The following OSBPL8 variants were observed in gnomAD, a reference collection of about 807,000 sequenced individuals.
OSBPL8 encodes oxysterol binding protein like 8, also known as oxysterol-binding protein-related protein 8.
Under a neutral mutation model 125.5 loss-of-function variants are expected in OSBPL8, and 59 were observed. The observed-to-expected ratio is 0.47, with a 90% CI of 0.38 to 0.58. The LOEUF is 0.58. OSBPL8 is among the 20% of genes least tolerant of loss of function. The probability of loss-of-function intolerance (pLI) is 0.00; values close to 1 mark genes in which losing one functional copy is unlikely to be tolerated. For missense variants in OSBPL8, 758 were observed against 1,047.8 expected, an observed-to-expected ratio of 0.72 and a Z score of 3.82; for synonymous variants, 330 against 338.9, an observed-to-expected ratio of 0.97 and a Z score of 0.29.
intron 4 of OSBPL8, among the ~76,000 whole-genome samples, chr12:76,432,473 T>C (rs982050952): frequency 2.0e-5 from 3 of 152,104 alleles, no homozygotes; most frequent in Non-Finnish European, 4.4e-5. Flanking sequence ...CTCAGCTACC[T>C]GGGACGTTGA....
At chr12:76,444,931 C>T (rs1340686113) in intron 4 of OSBPL8, among the ~76,000 whole-genome samples, 1 of 152,070 alleles carries the variant, frequency 6.6e-6, no homozygotes, top group Non-Finnish European at 1.5e-5. Context: ...TAGTTAAAAG[C>T]TTTAATAATA....
Position 76,407,654 on chromosome 12 carries a change from T to C in OSBPL8, c.288+2910A>G, listed in dbSNP as rs74581921. 2.9e-3 allele frequency among the ~76,000 whole-genome samples: 443 copies of C among 152,352 alleles called. 2 individuals are homozygous for C. Among genetic ancestry groups the C allele is most frequent in the African/African-American group, 0.01 (426 of 41,572 alleles). ...TGAGAAAATCAGTAAGTTTCAGCTC[T>C]TGGAAAATAATATGATGAGTATAAT... On this transcript the variant is annotated intron_variant, in intron 5 of 23. Coordinates refer to ENST00000261183, the MANE Select transcript of OSBPL8 (RefSeq NM_020841.5).
At chr12:76,369,534 G>T in intron 20 of OSBPL8, 103 bp downstream of exon 20, 1 of 1,365,890 alleles carries the variant, frequency 7.3e-7, no homozygotes. Flanking sequence ...TAATATACAT[G>T]GTTTAATTAA....
intron 2 of OSBPL8, among the ~76,000 whole-genome samples, chr12:76,469,334 G>A (rs1875837637): frequency 6.6e-6 from 1 of 152,034 alleles, no homozygotes; most frequent in African/African-American, 2.4e-5. Context: ...CCTTGATAAG[G>A]GATTTCCTGA....
intron 2 of OSBPL8, among the ~76,000 whole-genome samples, chr12:76,474,737 C>T (rs941567007): frequency 2.0e-5 from 3 of 152,200 alleles, no homozygotes; most frequent in African/African-American, 7.2e-5. Flanking sequence ...CCTGCCTCAG[C>T]CTCCCAAAGT....
intron 4 of OSBPL8, among the ~76,000 whole-genome samples, chr12:76,433,093 C>T (rs1478998416): frequency 6.6e-6 from 1 of 152,072 alleles, no homozygotes; most frequent in African/African-American, 2.4e-5. Context: ...CAATAAAGAC[C>T]ACATATGAAA....
chr12:76,546,579 A>G (rs1037845640), intron 1 of OSBPL8, among the ~76,000 whole-genome samples: 2 of 152,176 alleles, frequency 1.3e-5, no homozygotes, highest in Admixed American at 1.3e-4. Flanking sequence ...ATGTTTGAAG[A>G]TTCTATTTAA....
At chr12:76,403,772 A>G (rs920010905) in intron 5 of OSBPL8, among the ~76,000 whole-genome samples, 1 of 152,210 alleles carries the variant, frequency 6.6e-6, no homozygotes, top group Admixed American at 6.5e-5. Context: ...AGATGTGCAT[A>G]ATACCACTAG....
intron 1 of OSBPL8, among the ~76,000 whole-genome samples, chr12:76,493,304 C>G (rs912991708): frequency 6.6e-6 from 1 of 152,190 alleles, no homozygotes; most frequent in African/African-American, 2.4e-5. Flanking sequence ...TCCTCAATGA[C>G]AGCGTTTTAC....
chr12:76,514,289 TG>T (rs147049943), intron 1 of OSBPL8, among the ~76,000 whole-genome samples: 6,252 of 151,236 alleles, frequency 0.041, 456 homozygotes, highest in African/African-American at 0.14. Flanking sequence ...GGGCTACAGC[TG>T]CCTGCCACCA....
chr12:76,532,274 T>C (rs1950362902), intron 1 of OSBPL8, among the ~76,000 whole-genome samples: 1 of 152,018 alleles, frequency 6.6e-6, no homozygotes, highest in South Asian at 2.1e-4. Flanking sequence ...TTAATATATT[T>C]AAGAAAATAC....
At chr12:76,425,863 T>C (rs1870088390) in intron 4 of OSBPL8, among the ~76,000 whole-genome samples, 1 of 152,190 alleles carries the variant, frequency 6.6e-6, no homozygotes, top group Non-Finnish European at 1.5e-5. Context: ...ATCTTGTGTT[T>C]CCCAAGACCC....
intron 1 of OSBPL8, among the ~76,000 whole-genome samples, chr12:76,503,408 C>T (rs1880098679): frequency 6.6e-6 from 1 of 152,188 alleles, no homozygotes; most frequent in Non-Finnish European, 1.5e-5. Flanking sequence ...TCGGGTCCAC[C>T]CTAGTGACCT....
intron 2 of OSBPL8, among the ~76,000 whole-genome samples, chr12:76,466,792 C>G (rs1439078144): frequency 6.6e-6 from 1 of 151,958 alleles, no homozygotes; most frequent in East Asian, 1.9e-4. Flanking sequence ...AACGTCGTAT[C>G]TACTAAAAAT....
chr12:76,531,620 T>G (rs28485036), intron 1 of OSBPL8, among the ~76,000 whole-genome samples: 75,717 of 151,934 alleles, frequency 0.5, 20,320 homozygotes, highest in African/African-American at 0.68. Context: ...ATGTGTGGGT[T>G]GGGGGAGAGA....
chr12:76,358,391 A>T (rs1033648528), intron 22 of OSBPL8, among the ~76,000 whole-genome samples: 1 of 152,024 alleles, frequency 6.6e-6, no homozygotes, highest in Non-Finnish European at 1.5e-5. Flanking sequence ...CATGTTAGCC[A>T]GGCTGGTCTT....
intron 5 of OSBPL8, 101 bp from the exon 6 acceptor site, chr12:76,402,867 CTA>C (rs1954108956): frequency 1.3e-6 from 1 of 776,768 alleles, no homozygotes; most frequent in African/African-American, 1.8e-5. Flanking sequence ...TCATTTATTG[CTA>C]TGATTTAAGC....
rs192908559 is a variant in OSBPL8 at position 76,551,480 on chromosome 12, T to G, written c.-68+7917A>C. ...ACAAAGAATTATCCAGCCCAAAATA[T>G]CAACAGAGTCAAGTTAAGAAACCCT... On this transcript the variant is annotated intron_variant, in intron 1 of 23. Coordinates refer to ENST00000261183, the MANE Select transcript of OSBPL8 (RefSeq NM_020841.5). Among the ~76,000 whole-genome samples the G allele has an allele frequency of 2.0e-3, 309 of 152,278 alleles. 1 individual carries two copies. Among genetic ancestry groups the G allele is most frequent in the Admixed American group, 5.4e-3 (82 of 15,302 alleles).
At chr12:76,530,710 C>A (rs769068295) in intron 1 of OSBPL8, among the ~76,000 whole-genome samples, 1 of 152,098 alleles carries the variant, frequency 6.6e-6, no homozygotes, top group Non-Finnish European at 1.5e-5. Context: ...CAGGAGGTGC[C>A]TATCACAGTA....
Sources: gnomAD v4.1 joint callset for allele counts (sites outside exome capture counted in the v4.1 genomes callset) on GRCh38, gnomAD v4.1.1 for gene constraint, MANE v1.5 for transcripts, NCBI Gene and HGNC (gene_info 2026-07-23, HGNC 2026-07-21) for gene names.